Variants in CNTNAP2 observed in about 807,000 individuals in gnomAD.
CNTNAP2 encodes the protein contactin-associated protein-like 2.
In CNTNAP2, 98 loss-of-function variants were observed where a neutral mutation model predicts 155.2. The observed-to-expected ratio is 0.63, with a 90% CI of 0.54 to 0.75. The LOEUF is 0.75. Ranked by LOEUF, CNTNAP2 falls within the 30% of genes least tolerant of loss-of-function variation. CNTNAP2 has a pLI of 0.00. For synonymous variants in CNTNAP2, 651 were observed against 631.2 expected, an observed-to-expected ratio of 1.03 and a Z score of -0.47; for missense variants, 1,727 against 1,688.1, an observed-to-expected ratio of 1.02 and a Z score of -0.40.
chr7:147,073,620 T>A (rs1799940302), intron 4 of CNTNAP2, among the ~76,000 whole-genome samples: 1 of 152,072 alleles, frequency 6.6e-6, no homozygotes, highest in Non-Finnish European at 1.5e-5. Flanking sequence ...GGCTGAATAA[T>A]GGAACATAAG....
At chr7:147,725,730 T>C (rs779927226) in intron 13 of CNTNAP2, among the ~76,000 whole-genome samples, 15 of 152,112 alleles carry the variant, frequency 9.9e-5, no homozygotes, top group Non-Finnish European at 1.9e-4. Context: ...GAGGTTTCCA[T>C]TGAACCAGTA....
chr7:148,113,019 A>T (rs943547387), intron 15 of CNTNAP2, among the ~76,000 whole-genome samples: 11 of 152,200 alleles, frequency 7.2e-5, no homozygotes, highest in African/African-American at 2.7e-4. Context: ...ATACTTTGTT[A>T]GAAACAAAAA....
intron 9 of CNTNAP2, among the ~76,000 whole-genome samples, chr7:147,357,560 T>C (rs1288542177): frequency 6.6e-6 from 1 of 152,118 alleles, no homozygotes; most frequent in East Asian, 1.9e-4. Context: ...CCAGTTTTGC[T>C]ATTCAAGGTG....
At chr7:147,499,200 C>T (rs1798765621) in intron 11 of CNTNAP2, among the ~76,000 whole-genome samples, 2 of 152,054 alleles carry the variant, frequency 1.3e-5, no homozygotes, top group South Asian at 4.1e-4. Context: ...AATAAATATA[C>T]AAGTTTTTTG....
At chr7:147,537,062 G>C (rs1342902379) in intron 11 of CNTNAP2, among the ~76,000 whole-genome samples, 1 of 152,152 alleles carries the variant, frequency 6.6e-6, no homozygotes, top group African/African-American at 2.4e-5. Flanking sequence ...CCAGACCACA[G>C]TGATACCTCC....
At chr7:146,341,484 G>A (rs773016321) in intron 1 of CNTNAP2, among the ~76,000 whole-genome samples, 10 of 152,114 alleles carry the variant, frequency 6.6e-5, no homozygotes, top group African/African-American at 1.9e-4. Context: ...CAATGTATCA[G>A]CATGTAAAAT....
At chr7:147,572,754 G>A (rs1298189887) in intron 12 of CNTNAP2, among the ~76,000 whole-genome samples, 2 of 151,384 alleles carry the variant, frequency 1.3e-5, no homozygotes, top group Admixed American at 6.6e-5. Context: ...ATTCAATTAA[G>A]ATCAACTCAT....
At chr7:147,145,796 G>A (rs542362670) in intron 8 of CNTNAP2, among the ~76,000 whole-genome samples, 2 of 152,050 alleles carry the variant, frequency 1.3e-5, no homozygotes, top group Non-Finnish European at 2.9e-5. Context: ...TGGAAATTTT[G>A]TATTTCAAAG....
intron 21 of CNTNAP2, among the ~76,000 whole-genome samples, chr7:148,340,808 T>C (rs1352647933): frequency 3.3e-5 from 5 of 152,186 alleles, no homozygotes; most frequent in Non-Finnish European, 7.3e-5. Flanking sequence ...TAGGCTGTGT[T>C]TAATGGGATG....
intron 1 of CNTNAP2, among the ~76,000 whole-genome samples, chr7:146,162,248 T>C (rs1463697651): frequency 1.3e-5 from 2 of 152,174 alleles, no homozygotes; most frequent in South Asian, 2.1e-4. Context: ...GGAGAAAATT[T>C]ATACAATCTA....
chr7:148,403,261 A>G (rs897296370), intron 22 of CNTNAP2, among the ~76,000 whole-genome samples: 2 of 151,538 alleles, frequency 1.3e-5, no homozygotes, highest in African/African-American at 4.9e-5. Flanking sequence ...GAGTGGTGCA[A>G]TGGAAACATG....
intron 1 of CNTNAP2, among the ~76,000 whole-genome samples, chr7:146,527,114 T>G (rs549885182): frequency 2.1e-4 from 32 of 152,096 alleles, no homozygotes; most frequent in Non-Finnish European, 4.4e-4. Flanking sequence ...ATCCCTCCTC[T>G]TCTTTACAAA....
chr7:146,692,539 TAGAA>T (rs927178539), intron 1 of CNTNAP2, among the ~76,000 whole-genome samples: 13 of 152,178 alleles, frequency 8.5e-5, no homozygotes, highest in African/African-American at 1.2e-4. Flanking sequence ...AGAGGGAAAA[TAGAA>T]AGGATGAAAA....
chr7:146,616,802 G>T (rs1312326919), intron 1 of CNTNAP2, among the ~76,000 whole-genome samples: 2 of 151,888 alleles, frequency 1.3e-5, no homozygotes, highest in Admixed American at 6.6e-5. Context: ...TTTCTGTATC[G>T]GGTTTGCTCA....
intron 8 of CNTNAP2, among the ~76,000 whole-genome samples, chr7:147,176,707 A>C (rs1802347513): frequency 7.6e-6 from 1 of 131,154 alleles, no homozygotes; most frequent in Admixed American, 8.8e-5. Context: ...TATATTATAT[A>C]TAATAGAATT....
chr7:148,019,096 A>G (rs1802231979), intron 15 of CNTNAP2, among the ~76,000 whole-genome samples: 2 of 152,136 alleles, frequency 1.3e-5, no homozygotes, highest in Admixed American at 1.3e-4. Context: ...AGCCCTGAAT[A>G]CCTGCTGGAT....
chr7:146,520,311 T>TTC (rs1797599573), intron 1 of CNTNAP2, among the ~76,000 whole-genome samples: 1 of 63,206 alleles, frequency 1.6e-5, no homozygotes, highest in Non-Finnish European at 3.2e-5. Flanking sequence ...TCTAGATATA[T>TTC]TCATATATAT....
At chr7:148,410,261 A>G (rs894382253) in intron 23 of CNTNAP2, among the ~76,000 whole-genome samples, 2 of 138,214 alleles carry the variant, frequency 1.4e-5, no homozygotes, top group African/African-American at 5.9e-5. Context: ...GGTCCAGGAT[A>G]GCGTACTATA....
At chr7:146,524,829 C>T (rs1797664717) in intron 1 of CNTNAP2, among the ~76,000 whole-genome samples, 1 of 152,024 alleles carries the variant, frequency 6.6e-6, no homozygotes, top group Non-Finnish European at 1.5e-5. Context: ...TTTCTTGATA[C>T]AATATTATTA....
Sources: gnomAD v4.1 joint callset for allele counts (sites outside exome capture counted in the v4.1 genomes callset) on GRCh38, gnomAD v4.1.1 for gene constraint, MANE v1.5 for transcripts, NCBI Gene and HGNC (gene_info 2026-07-23, HGNC 2026-07-21) for gene names.